MEIS2: variants seen among roughly 807,000 people sequenced by gnomAD.
The protein encoded by MEIS2 is homeobox protein Meis2.
MEIS2 carries 9 observed loss-of-function variants against 58.6 expected under a neutral mutation model. The observed-to-expected ratio is 0.15, with a 90% CI of 0.09 to 0.27. The LOEUF is 0.27. Among genes scored for constraint, MEIS2 ranks in the 10% least tolerant of loss-of-function variants. MEIS2 has a pLI of 1.00. For missense variants in MEIS2, 427 were observed against 635.0 expected (o/e 0.67, Z 3.52); for synonymous variants, 221 against 228.4 (o/e 0.97, Z 0.29).
intron 8 of MEIS2, among the ~76,000 whole-genome samples, chr15:36,984,347 GATC>G (rs948276741): frequency 2.6e-5 from 4 of 151,996 alleles, no homozygotes; most frequent in Non-Finnish European, 5.9e-5. Flanking sequence ...CTACTGAGAT[GATC>G]ATATGATTTT....
At chr15:36,967,874 A>G (rs1344735397) in intron 8 of MEIS2, among the ~76,000 whole-genome samples, 1 of 152,136 alleles carries the variant, frequency 6.6e-6, no homozygotes, top group Non-Finnish European at 1.5e-5. Flanking sequence ...CATGCAACTG[A>G]TCACTAGACA....
At chr15:37,057,902 G>A (rs533573767) in intron 7 of MEIS2, among the ~76,000 whole-genome samples, 5 of 152,120 alleles carry the variant, frequency 3.3e-5, no homozygotes, top group East Asian at 1.9e-4. Flanking sequence ...CCACACGGGC[G>A]TGGAGTGTAA....
chr15:37,047,143 C>G (rs2062708362), intron 7 of MEIS2, among the ~76,000 whole-genome samples: 1 of 152,120 alleles, frequency 6.6e-6, no homozygotes, highest in African/African-American at 2.4e-5. Flanking sequence ...CTCTTCTGGG[C>G]ACTCTAATGA....
intron 7 of MEIS2, among the ~76,000 whole-genome samples, chr15:37,037,628 T>C (rs1002117756): frequency 3.9e-5 from 6 of 152,272 alleles, no homozygotes; most frequent in Admixed American, 3.9e-4. Context: ...TTCTCTGGCA[T>C]TAATTGTGCA....
intron 8 of MEIS2, among the ~76,000 whole-genome samples, chr15:36,968,887 C>G (rs935508504): frequency 6.6e-6 from 1 of 152,092 alleles, no homozygotes; most frequent in Admixed American, 6.5e-5. Flanking sequence ...TAGCTCAGAA[C>G]TGTATAGTTG....
intron 9 of MEIS2, among the ~76,000 whole-genome samples, chr15:36,940,144 G>T (rs2058323746): frequency 6.6e-6 from 1 of 152,138 alleles, no homozygotes; most frequent in Admixed American, 6.5e-5. Context: ...TGGAACTGGG[G>T]CATTTTTTTA....
At chr15:36,929,380 C>G (rs2057878657) in intron 9 of MEIS2, among the ~76,000 whole-genome samples, 1 of 152,146 alleles carries the variant, frequency 6.6e-6, no homozygotes, top group African/African-American at 2.4e-5. Context: ...GTATAAACTT[C>G]CTTGTGCATG....
rs1398147107 is a variant in MEIS2, at chr15:37,083,890, T to C, written c.640-5A>G. On this transcript the variant is annotated splice_region_variant and splice_polypyrimidine_tract_variant and intron_variant, in intron 6 of 11. Transcript: ENST00000561208. ...GTCTCGCCAAGAAGAAGGGTTCTGA[T>C]GTCAGGATACCAAGGAATTTTTCCA... 6 of 1,612,172 alleles carry C rather than the reference T, an allele frequency of 3.7e-6. No homozygotes were observed. Among genetic ancestry groups the C allele is most frequent in the Non-Finnish European group, 5.1e-6 (6 of 1,179,202 alleles).
chr15:37,016,689 CTT>C (rs2061361523), intron 8 of MEIS2, among the ~76,000 whole-genome samples: 1 of 152,084 alleles, frequency 6.6e-6, no homozygotes, highest in African/African-American at 2.4e-5. Context: ...AACTAAGTCA[CTT>C]ATACTTAAAA....
At chr15:37,099,090 A>C in intron 1 of MEIS2, 1 of 996,634 alleles carries the variant, frequency 1.0e-6, no homozygotes, top group Non-Finnish European at 1.2e-6. Context: ...GCAGCGGCGC[A>C]GCAGCGGCAG....
chr15:37,012,409 G>T (rs1474525980), intron 8 of MEIS2, among the ~76,000 whole-genome samples: 1 of 152,174 alleles, frequency 6.6e-6, no homozygotes, highest in Non-Finnish European at 1.5e-5. Context: ...AAGAAAGCAT[G>T]CTTCCGTTTT....
At chr15:37,098,424 G>T (rs867633678) in intron 1 of MEIS2, 1 of 1,105,282 alleles carries the variant, frequency 9.0e-7, no homozygotes, top group Non-Finnish European at 1.1e-6. Context: ...GAGAGAGAGA[G>T]AAAATAAAAA....
chr15:37,071,258 A>C (rs1890668856), intron 7 of MEIS2, among the ~76,000 whole-genome samples: 1 of 152,142 alleles, frequency 6.6e-6, no homozygotes, highest in Admixed American at 6.6e-5. Context: ...ACAGTCAAGC[A>C]AGATAATAAG....
At chr15:37,095,871 T>C in intron 3 of MEIS2, 2 of 544,624 alleles carry the variant, frequency 3.7e-6, no homozygotes, top group East Asian at 3.3e-5. Flanking sequence ...GGGCCTCGAG[T>C]TCCATATCCA....
rs576443962 is a variant in MEIS2, at chr15:37,096,088, G to T, written c.387+201C>A. On this transcript the variant is annotated intron_variant, in intron 3 of 11. Coordinates refer to ENST00000561208, the MANE Select transcript of MEIS2 (RefSeq NM_170675.5). ...AGGGTCGACCCCTGTATTCCTGCTG[G>T]GGGGGAAAACAAACACCCATATTTA... is the stretch of plus-strand genomic sequence containing the variant. 41 of 557,626 alleles carry T rather than the reference G, an allele frequency of 7.4e-5. No individual in the cohort carries two copies. In the East Asian group the frequency reaches 1.2e-3, roughly 16 times the overall value. The allele number at this position is 557,626 out of a possible 1,614,324, so 34.5% of individuals were successfully genotyped here.
chr15:37,070,229 A>T (rs1890518877), intron 7 of MEIS2, among the ~76,000 whole-genome samples: 1 of 152,202 alleles, frequency 6.6e-6, no homozygotes, highest in South Asian at 2.1e-4. Flanking sequence ...GTGGAAGTCC[A>T]TGAGACTTCT....
At chr15:36,938,544 T>G (rs1251989390) in intron 9 of MEIS2, among the ~76,000 whole-genome samples, 2 of 152,178 alleles carry the variant, frequency 1.3e-5, no homozygotes, top group Admixed American at 1.3e-4. Context: ...AAAATCGGTT[T>G]CTTTTTCTTC....
At chr15:37,094,475 C>T in intron 5 of MEIS2, 52 bp downstream of exon 5, 2 of 1,567,856 alleles carry the variant, frequency 1.3e-6, no homozygotes, top group Non-Finnish European at 1.8e-6. Context: ...CCCAACTCAA[C>T]TAGGAGAGGG....
chr15:36,911,038 C>T (rs1472130911), intron 9 of MEIS2, among the ~76,000 whole-genome samples: 14 of 121,152 alleles, frequency 1.2e-4, no homozygotes, highest in African/African-American at 4.2e-4. Flanking sequence ...GAGCGCGACT[C>T]TGTCTCAAAA....
Sources: gnomAD v4.1 joint callset for allele counts (sites outside exome capture counted in the v4.1 genomes callset) on GRCh38, gnomAD v4.1.1 for gene constraint, MANE v1.5 for transcripts, NCBI Gene and HGNC (gene_info 2026-07-23, HGNC 2026-07-21) for gene names.